TTC28: variants seen among roughly 807,000 people sequenced by gnomAD.
TTC28 encodes the protein tetratricopeptide repeat domain 28, also known as tetratricopeptide repeat protein 28.
A neutral mutation model predicts 198.0 loss-of-function variants in TTC28; 61 were observed. The observed-to-expected ratio is 0.31, with a 90% CI of 0.25 to 0.38. The LOEUF (loss-of-function observed/expected upper bound fraction) is 0.38. TTC28 is among the 10% of genes least tolerant of loss of function. The probability of loss-of-function intolerance (pLI) is 1.00; values close to 1 mark genes in which losing one functional copy is unlikely to be tolerated. For missense variants in TTC28, 2,678 were observed against 3,164.0 expected, an observed-to-expected ratio of 0.85 and a Z score of 3.69; for synonymous variants, 1,171 against 1,297.8, an observed-to-expected ratio of 0.90 and a Z score of 2.10.
At chr22:28,327,077 AG>A (rs1240934792) in intron 2 of TTC28, among the ~76,000 whole-genome samples, 6 of 152,128 alleles carry the variant, frequency 3.9e-5, no homozygotes, top group African/African-American at 9.7e-5. Flanking sequence ...GTATTTAAAA[AG>A]TGCCAAAAAA....
intron 8 of TTC28, among the ~76,000 whole-genome samples, chr22:28,102,114 A>C (rs543534717): frequency 4.6e-5 from 7 of 152,302 alleles, no homozygotes; most frequent in East Asian, 1.9e-4. Flanking sequence ...GCTCTTCCTG[A>C]TAGTTAAATA....
chr22:28,489,887 T>C (rs910841067), intron 2 of TTC28, among the ~76,000 whole-genome samples: 2 of 152,132 alleles, frequency 1.3e-5, no homozygotes, highest in African/African-American at 2.4e-5. Context: ...GTTTATTAAG[T>C]ATTAACTCAC....
chr22:28,397,719 A>C (rs1342071144), intron 2 of TTC28, among the ~76,000 whole-genome samples: 3 of 152,226 alleles, frequency 2.0e-5, no homozygotes, highest in East Asian at 1.9e-4. Flanking sequence ...AAAAGCTAAG[A>C]AACACTGACT....
At chr22:28,398,168 GT>G (rs1222864692) in intron 2 of TTC28, among the ~76,000 whole-genome samples, 1 of 152,180 alleles carries the variant, frequency 6.6e-6, no homozygotes, top group East Asian at 1.9e-4. Context: ...ATCTGGTTAA[GT>G]GCCTGAAACT....
In TTC28 at chr22:28,353,559, G is replaced by A. The variant is rs568427039; in HGVS notation, c.382-46916C>T. On this transcript the variant is annotated intron_variant, in intron 2 of 22. Coordinates refer to ENST00000397906, the MANE Select transcript of TTC28 (RefSeq NM_001145418.2). ...AAGCCACACATATGGTCGACTGATCGCTAAATTTTCAACAAGCGTACAAAA... is the reference window on the plus strand; with the variant it reads ...AAGCCACACATATGGTCGACTGATCACTAAATTTTCAACAAGCGTACAAAA... Among the ~76,000 whole-genome samples the A allele has an allele frequency of 3.0e-4, 45 of 152,178 alleles. 1 individual carries two copies. In the South Asian group the frequency reaches 6.0e-3, roughly 20 times the overall value.
chr22:28,114,982 C>T (rs1280446016), intron 6 of TTC28, among the ~76,000 whole-genome samples: 1 of 152,088 alleles, frequency 6.6e-6, no homozygotes, highest in East Asian at 1.9e-4. Flanking sequence ...TCTTGAGAAC[C>T]TCTCTGTGCC....
At chr22:28,072,719 T>C (rs1360243080) in intron 12 of TTC28, among the ~76,000 whole-genome samples, 1 of 152,146 alleles carries the variant, frequency 6.6e-6, no homozygotes, top group East Asian at 1.9e-4. Flanking sequence ...GGGGATCCCA[T>C]GCTATCAGAA....
chr22:28,452,011 T>C (rs1024844571), intron 2 of TTC28, among the ~76,000 whole-genome samples: 1 of 152,044 alleles, frequency 6.6e-6, no homozygotes, highest in Non-Finnish European at 1.5e-5. Flanking sequence ...TGTGTATGTG[T>C]GTATGTGTGT....
At chr22:28,167,396 G>A (rs1001386012) in intron 5 of TTC28, among the ~76,000 whole-genome samples, 12 of 152,204 alleles carry the variant, frequency 7.9e-5, no homozygotes, top group Admixed American at 2.0e-4. Context: ...CAATATCCCT[G>A]ATGAACATTG....
At chr22:28,354,601 G>A (rs1418480617) in intron 2 of TTC28, among the ~76,000 whole-genome samples, 1 of 152,038 alleles carries the variant, frequency 6.6e-6, no homozygotes, top group Non-Finnish European at 1.5e-5. Flanking sequence ...GCTGCAGAGT[G>A]GAAGGTGTTA....
chr22:28,341,989 A>G (rs1044766914), intron 2 of TTC28, among the ~76,000 whole-genome samples: 1 of 152,140 alleles, frequency 6.6e-6, no homozygotes, highest in Admixed American at 6.5e-5. Context: ...TTAAAAAAAC[A>G]GAAAAAAATT....
chr22:28,171,536 C>T (rs1922672203), intron 5 of TTC28, among the ~76,000 whole-genome samples: 2 of 150,716 alleles, frequency 1.3e-5, no homozygotes, highest in South Asian at 4.2e-4. Flanking sequence ...ATTTTCTACC[C>T]TATTTTCTTT....
intron 6 of TTC28, 38 bp downstream of exon 6, chr22:28,163,054 A>T (rs1316556862): frequency 2.0e-6 from 3 of 1,503,450 alleles, no homozygotes; most frequent in Admixed American, 4.4e-5. Flanking sequence ...CCAGCTCATG[A>T]CTTTGACCTG....
chr22:28,374,676 TTTTG>T (rs922528787), intron 2 of TTC28, among the ~76,000 whole-genome samples: 27 of 152,102 alleles, frequency 1.8e-4, no homozygotes, highest in African/African-American at 5.1e-4. Flanking sequence ...ATATTAAGTT[TTTTG>T]TTTGTTTGTT....
At chr22:28,628,500 C>A (rs948935375) in intron 2 of TTC28, among the ~76,000 whole-genome samples, 3 of 152,140 alleles carry the variant, frequency 2.0e-5, no homozygotes, top group Non-Finnish European at 4.4e-5. Flanking sequence ...ATCCCTAATA[C>A]AATATTATTA....
At chr22:28,090,440 T>C (rs1008712099) in intron 12 of TTC28, among the ~76,000 whole-genome samples, 24 of 152,148 alleles carry the variant, frequency 1.6e-4, no homozygotes, top group Middle Eastern at 6.8e-3. Context: ...TGAATAGATA[T>C]AACATAATTT....
At chr22:28,046,647 G>T (rs1939873831) in intron 12 of TTC28, among the ~76,000 whole-genome samples, 1 of 152,134 alleles carries the variant, frequency 6.6e-6, no homozygotes, top group African/African-American at 2.4e-5. Context: ...GTGTACATAG[G>T]CTGCCTGTAT....
At chr22:28,037,613 A>T (rs1266029525) in intron 12 of TTC28, among the ~76,000 whole-genome samples, 1 of 152,246 alleles carries the variant, frequency 6.6e-6, no homozygotes, top group Non-Finnish European at 1.5e-5. Context: ...GGCACAAGAC[A>T]GGGATGCCCT....
intron 2 of TTC28, among the ~76,000 whole-genome samples, chr22:28,421,013 CATAATT>C (rs76934357): frequency 0.015 from 2,249 of 152,268 alleles, 34 homozygotes; most frequent in East Asian, 0.07. Flanking sequence ...CAAAAAGTAT[CATAATT>C]ATGAGTGATC....
Sources: gnomAD v4.1 joint callset for allele counts (sites outside exome capture counted in the v4.1 genomes callset) on GRCh38, gnomAD v4.1.1 for gene constraint, MANE v1.5 for transcripts, NCBI Gene and HGNC (gene_info 2026-07-23, HGNC 2026-07-21) for gene names.